Variants in OR10H1 observed in about 807,000 individuals in gnomAD.
OR10H1 encodes olfactory receptor 10H1.
OR10H1 carries 12 observed loss-of-function variants against 13.1 expected under a neutral mutation model. The ratio of observed to expected loss-of-function variants is 0.92; its 90% confidence interval spans 0.59 to 1.48. The LOEUF (loss-of-function observed/expected upper bound fraction) is 1.48, where lower values mean the gene tolerates loss of function less well. Among genes scored for constraint, OR10H1 ranks in the 40% most tolerant of loss-of-function variants. OR10H1 has a pLI of 0.00. For synonymous variants in OR10H1, 168 were observed against 175.6 expected, an observed-to-expected ratio of 0.96 and a Z score of 0.34; for missense variants, 363 against 413.1, an observed-to-expected ratio of 0.88 and a Z score of 1.05.
At chr19:15,808,872 A>T (rs1415974241) in intron 2 of OR10H1, 31 bp from the exon 3 acceptor site, 2 of 152,082 alleles carry the variant, frequency 1.3e-5, no homozygotes, top group Non-Finnish European at 2.9e-5. Flanking sequence ...ATAAATAAAT[A>T]AAAAGAAGAA....
At chr19:15,814,476 TGTGTGAGAGAGAGAGA>T (rs1308882516) in intron 1 of OR10H1, among the ~76,000 whole-genome samples, 43 of 43,084 alleles carry the variant, frequency 1.0e-3, no homozygotes, top group African/African-American at 3.0e-3. Context: ...TGTGTGTGTG[TGTGTGAGAGAGAGAGA>T]GAGAGAGAGA....
In OR10H1 at chr19:15,812,744, G is replaced by GGAAGGAAGGGAGGGAGGAAT. The variant is rs1487413537; in HGVS notation, c.-644_-643insATTCCTCCCTCCCTTCCTTC. On this transcript the variant is annotated 5_prime_UTR_variant, in exon 2 of 4. It removes the in-frame stop codon of an upstream open reading frame in the 5' UTR. Coordinates refer to ENST00000641419, the MANE Select transcript of OR10H1 (RefSeq NM_013940.4). The stretch of plus-strand genomic sequence containing the variant: ...AACGAGGGAGGGAGGAATGGAGGGA[G>GGAAGGAAGGGAGGGAGGAAT]GAAGGAAGGGAGGGAGGGAGAAACC... 4 of 150,234 alleles carry GGAAGGAAGGGAGGGAGGAAT rather than the reference G, an allele frequency of 2.7e-5. No homozygotes were observed. The highest frequency in any genetic ancestry group is 4.4e-5 in the Non-Finnish European group (3 of 67,778). 9.3% of individuals were successfully genotyped at this position (150,234 alleles called of 1,614,324 possible).
intron 1 of OR10H1, among the ~76,000 whole-genome samples, chr19:15,813,678 GGAGA>G (rs371859325): frequency 1.4e-5 from 2 of 142,658 alleles, no homozygotes; most frequent in Non-Finnish European, 3.1e-5. Flanking sequence ...GGAGGTGGGG[GGAGA>G]GAGAGAGAGA....
intron 1 of OR10H1, among the ~76,000 whole-genome samples, chr19:15,814,109 G>A (rs923442658): frequency 6.6e-6 from 1 of 152,058 alleles, no homozygotes; most frequent in African/African-American, 2.4e-5. Context: ...CTCTCTCAGA[G>A]GGGTGTCCTG....
intron 2 of OR10H1, among the ~76,000 whole-genome samples, chr19:15,810,991 T>G (rs1599313511): frequency 1.3e-5 from 2 of 152,194 alleles, no homozygotes; most frequent in African/African-American, 4.8e-5. Flanking sequence ...GAAAGGGTAG[T>G]TCACTTCCCT....
intron 3 of OR10H1, among the ~76,000 whole-genome samples, chr19:15,808,329 A>G (rs1164921932): frequency 6.6e-6 from 1 of 152,178 alleles, no homozygotes; most frequent in Non-Finnish European, 1.5e-5. Flanking sequence ...ACTGGAACCC[A>G]TAGCTGGGCT....
rs28654380 is a variant in OR10H1 at position 15,805,846 on chromosome 19, G to A, written c.*1235C>T. 0.31 allele frequency: 46,037 copies of A among 150,168 alleles called. 7,772 individuals carry two copies. Among genetic ancestry groups the A allele is most frequent in the African/African-American group, 0.45 (18,575 of 41,010 alleles). 9.3% of individuals were successfully genotyped at this position (150,168 alleles called of 1,614,324 possible). On this transcript the variant is annotated 3_prime_UTR_variant, in exon 4 of 4. Coordinates refer to ENST00000641419, the MANE Select transcript of OR10H1 (RefSeq NM_013940.4). ...CGTGTCAACTTCTAACACAGCATTC[G>A]GTATCTCACAGTGTGACTTTTTTCC...
Position 15,812,791 on chromosome 19 carries a change from AC to A in OR10H1, c.-691del, listed in dbSNP as rs1226386884. On this transcript the variant is annotated 5_prime_UTR_variant, in exon 2 of 4. The change creates a premature stop within an existing upstream ORF in the 5' untranslated region. Coordinates refer to ENST00000641419, the MANE Select transcript of OR10H1 (RefSeq NM_013940.4). ...AACCTTGAGAGGACAGGAGCCGATCACGTCTGTAGGAGGTAGCTGAGGGCTG... is the reference window on the plus strand; with the variant it reads ...AACCTTGAGAGGACAGGAGCCGATCAGTCTGTAGGAGGTAGCTGAGGGCTG... The A allele has an allele frequency of 1.3e-5, 1 of 75,842 alleles. No individual in the cohort carries two copies. The highest frequency in any genetic ancestry group is 2.7e-5 in the Non-Finnish European group (1 of 37,438). The allele number at this position is 75,842 out of a possible 1,614,324, so 4.7% of individuals were successfully genotyped here. A position where few individuals can be genotyped will look rare whatever the true frequency, so the allele number is the denominator to read the frequency against.
At position 15,807,245 on chromosome 19, in the gene OR10H1, T is replaced by G. The variant is rs147484502; in HGVS notation, c.793A>C (p.Ser265Arg). ...FASVIYLKPK[S>R]PQSLEGDTLM... ...GTGTCTCCTTCCAGAGACTGGGGAC[T>G]TTTGGGCTTCAGGTAAATGACGGAG... Residue 265 changes from serine (S) to arginine (R), a missense_variant, in exon 4 of 4, where the codon AGT (serine) becomes CGT (arginine). Physicochemically the swap from Ser to Arg is moderately radical, Grantham distance 110 (BLOSUM62 -1). Transcript: ENST00000641419. 2 of 1,614,028 alleles carry G rather than the reference T, an allele frequency of 1.2e-6. No homozygotes were observed.
rs2088896290 is a variant in OR10H1 at position 15,806,579 on chromosome 19, C to A, written c.*502G>T. 1.3e-5 allele frequency: 2 copies of A among 155,854 alleles called. No individual in the cohort carries two copies. Among genetic ancestry groups the A allele is most frequent in the East Asian group, 3.8e-4 (2 of 5,230 alleles). 9.7% of individuals were successfully genotyped at this position (155,854 alleles called of 1,614,324 possible). A position where few individuals can be genotyped will look rare whatever the true frequency, so the allele number is the denominator to read the frequency against. On this transcript the variant is annotated 3_prime_UTR_variant, in exon 4 of 4. Coordinates refer to ENST00000641419, the MANE Select transcript of OR10H1 (RefSeq NM_013940.4). Reference sequence around the variant, plus strand: ...TACCACCATGCCAAGCTATTTTTTTCTAAGTTTTTGTAGATATGCAGTCTT... The same window carrying A: ...TACCACCATGCCAAGCTATTTTTTTATAAGTTTTTGTAGATATGCAGTCTT...
At chr19:15,809,434 G>T (rs2088921057) in intron 2 of OR10H1, among the ~76,000 whole-genome samples, 1 of 151,930 alleles carries the variant, frequency 6.6e-6, no homozygotes, top group African/African-American at 2.4e-5. Context: ...GGGACTACAG[G>T]CACACACCAC....
At chr19:15,808,127 C>CA (rs2088914025) in intron 3 of OR10H1, 79 bp from the exon 4 acceptor site, 3 of 1,166,980 alleles carry the variant, frequency 2.6e-6, no homozygotes, top group Admixed American at 2.0e-5. Context: ...TGGATTTGCC[C>CA]AAGGGACTGC....
chr19:15,807,267 G>T lies in OR10H1; in HGVS notation c.771C>A (p.Ser257=). 1 of 1,614,126 alleles carries T rather than the reference G, an allele frequency of 6.2e-7. No homozygotes were observed. Among genetic ancestry groups the T allele is most frequent in the South Asian group, 1.1e-5 (1 of 91,068 alleles). ...TVVVVHYGFA[S]VIYLKPKSPQ... The stretch of plus-strand genomic sequence containing the variant: ...GACTTTTGGGCTTCAGGTAAATGAC[G>T]GAGGCAAAGCCATAGTGCACGACCA... The change falls in exon 4 of 4, where the codon TCC becomes TCA. Residue 257 remains serine, a synonymous_variant. Coordinates refer to ENST00000641419, the MANE Select transcript of OR10H1 (RefSeq NM_013940.4).
intron 2 of OR10H1, among the ~76,000 whole-genome samples, chr19:15,809,254 T>C (rs1351345253): frequency 6.7e-6 from 1 of 150,120 alleles, no homozygotes. Context: ...CTGGCTGTTG[T>C]GTAATGATTA....
Position 15,809,872 on chromosome 19 carries a change from G to A in OR10H1, c.-128-1031C>T, listed in dbSNP as rs532223748. Among the ~76,000 whole-genome samples, 7 of 152,046 alleles carry A rather than the reference G, an allele frequency of 4.6e-5. No individual in the cohort carries two copies. In the East Asian group the frequency reaches 1.4e-3, roughly 30 times the overall value. On this transcript the variant is annotated intron_variant, in intron 2 of 3. Transcript: ENST00000641419. Reference sequence around the variant, plus strand: ...CTGTCACCCAGGCTGGAGTGCAGTGGCACAATTATCATAGCTCACTGCAGC... The same window carrying A: ...CTGTCACCCAGGCTGGAGTGCAGTGACACAATTATCATAGCTCACTGCAGC...
Position 15,807,603 on chromosome 19 carries a change from C to G in OR10H1, c.435G>C (p.Val145=). The G allele has an allele frequency of 6.2e-7, 1 of 1,614,228 alleles. No homozygotes were observed. The highest frequency in any genetic ancestry group is 1.1e-5 in the South Asian group (1 of 91,082). ...LMSPRGCACL[V]GCSWAGGLVM... is the part of the protein sequence containing the mutation. ...CCAAGCCACCAGCCCAGGAGCAGCC[C>G]ACCAGGCAGGCGCAGCCCCGCGGGC... Residue 145 remains valine, a synonymous_variant, in exon 4 of 4, where the codon GTG becomes GTC. Coordinates refer to ENST00000641419, the MANE Select transcript of OR10H1 (RefSeq NM_013940.4).
intron 2 of OR10H1, among the ~76,000 whole-genome samples, chr19:15,809,259 T>C (rs952761299): frequency 7.0e-6 from 1 of 143,142 alleles, no homozygotes; most frequent in African/African-American, 2.7e-5. Context: ...TGTTGTGTAA[T>C]GATTATTTAT....
chr19:15,810,000 T>A (rs552813423), intron 2 of OR10H1, among the ~76,000 whole-genome samples: 9 of 152,020 alleles, frequency 5.9e-5, no homozygotes, highest in African/African-American at 1.4e-4. Flanking sequence ...TTTTAAAAAA[T>A]TTGGCAATGT....
rs756400126 is a variant in OR10H1 at position 15,807,651 on chromosome 19, G to T, written c.387C>A (p.Pro129=). 5.6e-6 allele frequency: 9 copies of T among 1,613,990 alleles called. No individual in the cohort carries two copies. The Admixed American group carries it at 1.5e-4, about 27-fold the overall frequency. ...GGCTCATGAGCACGTTGTAGCGCAGGGGGTGGCAGATGGCCACGTAGCGGT... is the reference window on the plus strand; with the variant it reads ...GGCTCATGAGCACGTTGTAGCGCAGTGGGTGGCAGATGGCCACGTAGCGGT... The part of the protein sequence containing the change: ...GYDRYVAICH[P]LRYNVLMSPR... The change falls in exon 4 of 4, where the codon CCC becomes CCA. Residue 129 remains proline, a synonymous_variant. Transcript: ENST00000641419.
Sources: gnomAD v4.1 joint callset for allele counts (sites outside exome capture counted in the v4.1 genomes callset) on GRCh38, gnomAD v4.1.1 for gene constraint, MANE v1.5 for transcripts, NCBI Gene and HGNC (gene_info 2026-07-23, HGNC 2026-07-21) for gene names.